EPB41: variants seen among roughly 807,000 people sequenced by gnomAD.
The protein encoded by EPB41 is protein 4.1.
In EPB41, 65 loss-of-function variants were observed where a neutral mutation model predicts 108.0. The observed-to-expected ratio is 0.60, with a 90% CI of 0.49 to 0.74. EPB41 has a LOEUF of 0.74. Ranked by LOEUF, EPB41 falls within the 30% of genes least tolerant of loss-of-function variation. The pLI is 0.00. For synonymous variants in EPB41, 336 were observed against 358.9 expected (o/e 0.94, Z 0.72); for missense variants, 875 against 1,037.0 (o/e 0.84, Z 2.15).
chr1:29,052,003 G>T (rs1312297975), intron 11 of EPB41, among the ~76,000 whole-genome samples: 1 of 151,964 alleles, frequency 6.6e-6, no homozygotes, highest in Non-Finnish European at 1.5e-5. Flanking sequence ...TCAGATAAGT[G>T]AAGTTTTATT....
intron 17 of EPB41, among the ~76,000 whole-genome samples, chr1:29,098,776 C>G (rs1423180061): frequency 3.3e-5 from 5 of 151,950 alleles, no homozygotes. Context: ...GTCTCAGTCA[C>G]TCTGTCGCCC....
chr1:29,033,604 C>G (rs572385040), intron 9 of EPB41, among the ~76,000 whole-genome samples: 34 of 152,236 alleles, frequency 2.2e-4, no homozygotes, highest in Non-Finnish European at 4.7e-4. Flanking sequence ...TTTGGCATCA[C>G]CAATCCTTTA....
chr1:28,902,339 G>A (rs1385371917), intron 1 of EPB41: 1 of 985,292 alleles, frequency 1.0e-6, no homozygotes, highest in Admixed American at 6.2e-5. Flanking sequence ...AGAATTTCTA[G>A]TTGGGGCTGT....
chr1:28,889,678 G>C, intron 1 of EPB41: 1 of 363,568 alleles, frequency 2.8e-6, no homozygotes, highest in South Asian at 1.1e-4. Flanking sequence ...CCAGCTGATG[G>C]AACCTAGGCT....
rs75540889 is a variant in EPB41 at position 28,943,092 on chromosome 1, A to G, written c.-8+28324A>G. On this transcript the variant is annotated intron_variant, in intron 1 of 20. Coordinates refer to ENST00000343067, the MANE Select transcript of EPB41 (RefSeq NM_001376013.1). ...CTCAGTTTATTGGAATAAAAGATAT[A>G]AGAAAAAGTTCTTCTCCTACTTATA... 9.8e-3 allele frequency among the ~76,000 whole-genome samples: 1,497 copies of G among 152,318 alleles called. 9 individuals are homozygous for G. Among genetic ancestry groups the G allele is most frequent in the Non-Finnish European group, 0.018 (1,202 of 68,034 alleles).
chr1:28,986,643 C>T (rs1281637536), intron 1 of EPB41, among the ~76,000 whole-genome samples: 2 of 152,098 alleles, frequency 1.3e-5, no homozygotes, highest in Non-Finnish European at 2.9e-5. Flanking sequence ...AAATGGGATA[C>T]CTCTGGCCGG....
At chr1:28,962,120 G>A (rs2095234525) in intron 1 of EPB41, among the ~76,000 whole-genome samples, 1 of 151,786 alleles carries the variant, frequency 6.6e-6, no homozygotes, top group Non-Finnish European at 1.5e-5. Flanking sequence ...GAGTGCAGTG[G>A]CGCTATCTTG....
intron 16 of EPB41, among the ~76,000 whole-genome samples, chr1:29,084,678 G>A (rs114291803): frequency 0.023 from 3,558 of 152,290 alleles, 61 homozygotes; most frequent in South Asian, 0.039. Flanking sequence ...GTTGTAAATT[G>A]TGTGACTAAT....
intron 12 of EPB41, among the ~76,000 whole-genome samples, chr1:29,056,003 G>A (rs1248235060): frequency 6.7e-6 from 1 of 149,812 alleles, no homozygotes; most frequent in Non-Finnish European, 1.5e-5. Context: ...TTGGGAGGCC[G>A]AGGCAGGCGG....
chr1:28,987,881 T>G lies in EPB41; in HGVS notation c.444T>G (p.His148Gln). The G allele has an allele frequency of 6.2e-7, 1 of 1,614,244 alleles. No homozygotes were observed. The highest frequency in any genetic ancestry group is 8.5e-7 in the Non-Finnish European group (1 of 1,180,050). The change falls in exon 2 of 21, where the codon CAT (histidine) becomes CAG (glutamine). Residue 148 changes from histidine (H) to glutamine (Q), a missense_variant. Physicochemically the swap from His to Gln is conservative, Grantham distance 24. Around this residue, in one of 3 missense-constraint regions of EPB41, gnomAD observed 353 missense variants for 393.2 expected, o/e 0.90. Transcript: ENST00000343067. ...AAACAGACCCATCTTTGGATCTTCA[T>G]TCATTAAGCAGTGCAGAAACACAGG... ...ELKTDPSLDLHSLSSAETQPA... is the reference protein window; with the variant it reads ...ELKTDPSLDLQSLSSAETQPA...
chr1:28,952,239 T>C (rs1231178107), intron 1 of EPB41, among the ~76,000 whole-genome samples: 3 of 151,464 alleles, frequency 2.0e-5, no homozygotes, highest in Non-Finnish European at 4.4e-5. Flanking sequence ...ATCAAAGTGG[T>C]TCGTGCGGCC....
In EPB41 at chr1:28,958,092, G is replaced by A. The variant is rs538060670; in HGVS notation, c.-7-29339G>A. 3.3e-5 allele frequency among the ~76,000 whole-genome samples: 5 copies of A among 152,184 alleles called. No homozygotes were observed. The East Asian group carries it at 9.6e-4, about 29-fold the overall frequency. ...GGCCTTCCAAAGTGTTGGGATTATA[G>A]GTGTTGAGCCACTGCACCCTACTTT... On this transcript the variant is annotated intron_variant, in intron 1 of 20. Coordinates refer to ENST00000343067, the MANE Select transcript of EPB41 (RefSeq NM_001376013.1).
intron 7 of EPB41, among the ~76,000 whole-genome samples, chr1:29,026,002 G>C (rs1467795358): frequency 6.6e-6 from 1 of 152,168 alleles, no homozygotes; most frequent in Non-Finnish European, 1.5e-5. Context: ...CATCCATACA[G>C]GGTGGTGCTT....
chr1:29,068,629 A>G, intron 16 of EPB41: 1 of 659,018 alleles, frequency 1.5e-6, no homozygotes, highest in Non-Finnish European at 2.2e-6. Flanking sequence ...TTCTTTAACA[A>G]TTGGGATACT....
At chr1:28,992,851 C>G (rs547856386) in intron 2 of EPB41, among the ~76,000 whole-genome samples, 3 of 152,288 alleles carry the variant, frequency 2.0e-5, no homozygotes, top group Admixed American at 2.0e-4. Context: ...TTTTAGCCTA[C>G]TACATGTTTG....
At chr1:28,920,768 T>G (rs2093014065) in intron 1 of EPB41, among the ~76,000 whole-genome samples, 1 of 152,002 alleles carries the variant, frequency 6.6e-6, no homozygotes, top group African/African-American at 2.4e-5. Context: ...GCCTCCTGAG[T>G]AGCTGGAGCT....
At chr1:28,951,328 C>A (rs1306010162) in intron 1 of EPB41, among the ~76,000 whole-genome samples, 6 of 146,850 alleles carry the variant, frequency 4.1e-5, no homozygotes, top group Admixed American at 2.0e-4. Context: ...AAAAAAAAAA[C>A]AACCCCAACT....
chr1:29,074,408 T>C (rs1226795619), intron 16 of EPB41, among the ~76,000 whole-genome samples: 2 of 152,224 alleles, frequency 1.3e-5, no homozygotes, highest in Non-Finnish European at 2.9e-5. Context: ...CAACTTCTTA[T>C]TAATCTGTTT....
chr1:29,030,770 C>T (rs1558081869), intron 8 of EPB41, among the ~76,000 whole-genome samples: 3 of 149,858 alleles, frequency 2.0e-5, no homozygotes, highest in African/African-American at 4.9e-5. Context: ...AGCAAGACCC[C>T]GTCTCAAAAA....
Sources: allele counts gnomAD v4.1 joint callset (sites outside exome capture counted in the v4.1 genomes callset), GRCh38; gene constraint gnomAD v4.1.1; regional missense constraint gnomAD v4.1.1; transcripts MANE v1.5; gene names NCBI Gene and HGNC (gene_info 2026-07-23, HGNC 2026-07-21).